Variants in DKKL1 observed in about 807,000 individuals in gnomAD.
DKKL1 encodes dickkopf like acrosomal protein 1.
Under a neutral mutation model 16.5 loss-of-function variants are expected in DKKL1, and 11 were observed. The observed-to-expected ratio is 0.67, with a 90% CI of 0.42 to 1.10. The LOEUF is 1.10. Among genes scored for constraint, DKKL1 ranks in the 50% least tolerant of loss-of-function variants. The pLI, the probability that DKKL1 is intolerant of heterozygous loss-of-function variation, is 0.00. For synonymous variants in DKKL1, 119 were observed against 133.2 expected (o/e 0.89, Z 0.73); for missense variants, 320 against 308.1 (o/e 1.04, Z -0.29).
At chr19:49,366,473 T>C (rs992261081) in intron 4 of DKKL1, among the ~76,000 whole-genome samples, 1 of 152,080 alleles carries the variant, frequency 6.6e-6, no homozygotes, top group Non-Finnish European at 1.5e-5. Flanking sequence ...AATCAAAGTG[T>C]TTCTATGAGC....
chr19:49,372,357 G>A (rs974329442), intron 4 of DKKL1, among the ~76,000 whole-genome samples: 1 of 151,620 alleles, frequency 6.6e-6, no homozygotes, highest in Non-Finnish European at 1.5e-5. Flanking sequence ...TCAGGAGTTC[G>A]AGACCAGCCT....
chr19:49,373,688 T>A (rs956594092), intron 4 of DKKL1, among the ~76,000 whole-genome samples: 2 of 152,098 alleles, frequency 1.3e-5, no homozygotes, highest in Admixed American at 6.5e-5. Context: ...CAGGATGGTC[T>A]CAAACTCCTG....
At chr19:49,374,228 C>T (rs187944709) in intron 4 of DKKL1, among the ~76,000 whole-genome samples, 130 of 152,230 alleles carry the variant, frequency 8.5e-4, no homozygotes, top group African/African-American at 2.8e-3. Flanking sequence ...CCTCGTGATC[C>T]GCCAGCCTCG....
Position 49,374,759 on chromosome 19 carries a change from A to G in DKKL1, c.460A>G (p.Lys154Glu). Reference protein sequence around the residue: ...EEKEALVPIQKATDSFHTELH... With the variant: ...EEKEALVPIQEATDSFHTELH... Reference sequence around the variant, plus strand: ...GAAGGAGGCCCTGGTACCCATCCAGAAGGCCACGGACAGCTTCCACACAGA... The same window carrying G: ...GAAGGAGGCCCTGGTACCCATCCAGGAGGCCACGGACAGCTTCCACACAGA... Residue 154 changes from lysine to glutamate, a missense_variant, in exon 5 of 5, where the codon AAG becomes GAG. Lys to Glu is a moderately conservative substitution (Grantham distance 56, BLOSUM62 1). Coordinates refer to ENST00000221498, the MANE Select transcript of DKKL1 (RefSeq NM_014419.4). The G allele has an allele frequency of 6.4e-7, 1 of 1,574,574 alleles. No homozygotes were observed. The highest frequency in any genetic ancestry group is 2.3e-5 in the East Asian group (1 of 44,380).
At chr19:49,368,356 G>A (rs1973342042) in intron 4 of DKKL1, among the ~76,000 whole-genome samples, 1 of 150,980 alleles carries the variant, frequency 6.6e-6, no homozygotes, top group Non-Finnish European at 1.5e-5. Flanking sequence ...GTGTGGTGGT[G>A]TGTGCTGTGG....
chr19:49,365,406 G>T lies in DKKL1; in HGVS notation c.184-103G>T, dbSNP rs1272527202. The T allele has an allele frequency of 4.3e-6, 6 of 1,394,978 alleles. No homozygotes were observed. In the South Asian group the frequency reaches 1.1e-4, roughly 25 times the overall value. 86.4% of individuals were successfully genotyped at this position (1,394,978 alleles called of 1,614,324 possible). ...GGCAGAAAGTAAAGGGGATGGGAGG[G>T]ACTTGGGGCAAGGCCTCGGGAGCAT... On this transcript the variant is annotated intron_variant, in intron 2 of 4. Coordinates refer to ENST00000221498, the MANE Select transcript of DKKL1 (RefSeq NM_014419.4).
intron 2 of DKKL1, 28 bp downstream of exon 2, chr19:49,364,782 G>A: frequency 6.2e-7 from 1 of 1,601,124 alleles, no homozygotes. Context: ...GATGGGGGAA[G>A]AAGTACTGAG....
chr19:49,367,721 A>G (rs1346259375), intron 4 of DKKL1, among the ~76,000 whole-genome samples: 1 of 152,178 alleles, frequency 6.6e-6, no homozygotes, highest in Non-Finnish European at 1.5e-5. Context: ...ACCTTTGGTA[A>G]ACTTCTACAA....
At position 49,365,622 on chromosome 19, in the gene DKKL1, C is replaced by A; in HGVS notation, c.297C>A (p.Thr99=). The A allele has an allele frequency of 6.2e-7, 1 of 1,613,232 alleles. No individual in the cohort carries two copies. Among genetic ancestry groups the A allele is most frequent in the Non-Finnish European group, 8.5e-7 (1 of 1,179,582 alleles). The change falls in exon 3 of 5, where the codon ACC becomes ACA. Residue 99 remains threonine, a synonymous_variant. Transcript: ENST00000221498. ...ENQEHQLGNN[T]LSSHLQIDKM... is the part of the protein sequence containing the mutation. ...AGGAGCACCAGCTGGGGAACAACACCCTCTCCAGCCACCTCCAGATCGACA... is the reference window on the plus strand; with the variant it reads ...AGGAGCACCAGCTGGGGAACAACACACTCTCCAGCCACCTCCAGATCGACA...
chr19:49,374,737 G>C lies in DKKL1; in HGVS notation c.438G>C (p.Lys146Asn). ...CCCAGGTACCCAGGATGGAGGAGAA[G>C]GAGGCCCTGGTACCCATCCAGAAGG... Reference protein sequence around the residue: ...GDLKVPRMEEKEALVPIQKAT... With the variant: ...GDLKVPRMEENEALVPIQKAT... The change falls in exon 5 of 5, where the codon AAG (lysine) becomes AAC (asparagine). Residue 146 changes from lysine to asparagine, a missense_variant. Transcript: ENST00000221498. 6.5e-7 allele frequency: 1 copy of C among 1,536,476 alleles called. No individual in the cohort carries two copies. The highest frequency in any genetic ancestry group is 8.8e-7 in the Non-Finnish European group (1 of 1,141,094).
chr19:49,369,476 A>G (rs1973389087), intron 4 of DKKL1: 1 of 152,118 alleles, frequency 6.6e-6, no homozygotes. Flanking sequence ...TTCTTAAAAT[A>G]GTACAACAGA....
intron 4 of DKKL1, among the ~76,000 whole-genome samples, chr19:49,368,356 G>C (rs1973342042): frequency 6.6e-6 from 1 of 151,094 alleles, no homozygotes; most frequent in East Asian, 1.9e-4. Context: ...GTGTGGTGGT[G>C]TGTGCTGTGG....
rs577860257 is a variant in DKKL1, at chr19:49,373,761, G to C, written c.418-956G>C. ...CTGGATTACACACATGAGCCACCGC[G>C]TCCAGCCAGGAGGAAACAATTTAAC... On this transcript the variant is annotated intron_variant, in intron 4 of 4. Transcript: ENST00000221498. Among the ~76,000 whole-genome samples, 6 of 152,008 alleles carry C rather than the reference G, an allele frequency of 3.9e-5. No homozygotes were observed. The East Asian group carries it at 1.2e-3, about 30-fold the overall frequency.
At chr19:49,365,358 A>G in intron 2 of DKKL1, 151 bp from the exon 3 acceptor site, 1 of 837,560 alleles carries the variant, frequency 1.2e-6, no homozygotes, top group Non-Finnish European at 1.7e-6. Context: ...TGGAGGCCGG[A>G]GGTTAGGCCC....
intron 4 of DKKL1, 94 bp downstream of exon 4, chr19:49,365,979 G>C: frequency 1.7e-6 from 2 of 1,205,162 alleles, no homozygotes; most frequent in Non-Finnish European, 2.3e-6. Context: ...CCAGGCTGGA[G>C]TGCAGTGGCA....
chr19:49,364,530 T>C, intron 1 of DKKL1, 52 bp from the exon 2 acceptor site: 1 of 1,522,766 alleles, frequency 6.6e-7, no homozygotes, highest in Non-Finnish European at 8.8e-7. Context: ...AGGGGCGTCT[T>C]GGGTGGGGGC....
intron 4 of DKKL1, among the ~76,000 whole-genome samples, chr19:49,368,312 C>T (rs2146779575): frequency 1.4e-5 from 2 of 144,314 alleles, no homozygotes; most frequent in Admixed American, 6.9e-5. Context: ...GACTCTGTCT[C>T]CAAAAAAAAA....
At chr19:49,362,914 T>TG (rs1973053216), upstream of DKKL1, among the ~76,000 whole-genome samples, 1 of 137,686 alleles carries the variant, frequency 7.3e-6, no homozygotes, top group Non-Finnish European at 1.6e-5. Context: ...GTTTTTGGTT[T>TG]TTTTGTTTTT....
upstream of DKKL1, chr19:49,361,641 A>T (rs1680774722): frequency 6.6e-6 from 1 of 152,154 alleles, no homozygotes; most frequent in African/African-American, 2.4e-5. Context: ...CTCTGATCCA[A>T]CTCAAGTTCC....
Sources: allele counts gnomAD v4.1 joint callset (sites outside exome capture counted in the v4.1 genomes callset), GRCh38; gene constraint gnomAD v4.1.1; transcripts MANE v1.5; gene names NCBI Gene and HGNC (gene_info 2026-07-23, HGNC 2026-07-21).